SATB2: variants seen among roughly 807,000 people sequenced by gnomAD.
SATB2 encodes the protein SATB homeobox 2.
Under a neutral mutation model 73.4 loss-of-function variants are expected in SATB2, and 1 was observed. The observed-to-expected ratio is 0.01, with a 90% confidence interval of 0.00 to 0.06. SATB2 has a LOEUF of 0.06. SATB2 is among the 10% of genes least tolerant of loss of function. SATB2 has a pLI of 1.00. For synonymous variants in SATB2, 397 were observed against 367.0 expected, an observed-to-expected ratio of 1.08 and a Z score of -0.93; for missense variants, 459 against 945.8, an observed-to-expected ratio of 0.49 and a Z score of 6.75.
chr2:199,394,577 G>A (rs1476431733), intron 3 of SATB2, among the ~76,000 whole-genome samples: 1 of 152,026 alleles, frequency 6.6e-6, no homozygotes. Context: ...AGAATTGCTT[G>A]AGCCCAGGAG....
intron 7 of SATB2, among the ~76,000 whole-genome samples, chr2:199,334,244 GAT>G (rs1322789986): frequency 1.3e-5 from 2 of 150,266 alleles, no homozygotes; most frequent in African/African-American, 5.0e-5. Context: ...ATTTGGACTA[GAT>G]AGAGAAAATA....
Position 199,308,395 on chromosome 2 carries a change from TTA to T in SATB2, c.1740+363_1740+364del, listed in dbSNP as rs1190179563. 2.6e-5 allele frequency among the ~76,000 whole-genome samples: 4 copies of T among 152,166 alleles called. No individual in the cohort carries two copies. Among genetic ancestry groups the T allele is most frequent in the Non-Finnish European group, 5.9e-5 (4 of 68,032 alleles). ...GATGCAAAACTACTTCACAGGTTTT[TTA>T]TAGAAAATGAACTGATGGAAACCAT... On this transcript the variant is annotated intron_variant, in intron 10 of 10. Coordinates refer to ENST00000417098, the MANE Select transcript of SATB2 (RefSeq NM_001172509.2). The surrounding 1 kb of genome is among the most constrained non-coding windows in gnomAD (Gnocchi z 4.6).
In SATB2 at chr2:199,308,560, A is replaced by ACACG. The variant is rs1354348277; in HGVS notation, c.1740+196_1740+199dup. ...TCTTTGTGTGTGCATACACACACAC[A>ACACG]CACGCACGCACATGCACACACACAC... On this transcript the variant is annotated intron_variant, in intron 10 of 10. Transcript: ENST00000417098. The surrounding 1 kb of genome is among the most constrained non-coding windows in gnomAD (Gnocchi z 4.6). Among the ~76,000 whole-genome samples, 1 of 151,438 alleles carries ACACG rather than the reference A, an allele frequency of 6.6e-6. No individual in the cohort carries two copies. Among genetic ancestry groups the ACACG allele is most frequent in the African/African-American group, 2.5e-5 (1 of 40,754 alleles).
chr2:199,351,316 C>T (rs1166610482), intron 6 of SATB2, among the ~76,000 whole-genome samples: 2 of 152,112 alleles, frequency 1.3e-5, no homozygotes, highest in African/African-American at 4.8e-5. Flanking sequence ...CATGCACCAC[C>T]ATGCCCAGCT....
At chr2:199,373,561 C>T (rs1365408016) in intron 5 of SATB2, among the ~76,000 whole-genome samples, 1 of 151,826 alleles carries the variant, frequency 6.6e-6, no homozygotes, top group African/African-American at 2.4e-5. Context: ...GAATGGCTTG[C>T]TTCTCTAATG....
chr2:199,281,264 A>ATG (rs1176878975), intron 10 of SATB2, among the ~76,000 whole-genome samples: 13 of 12,778 alleles, frequency 1.0e-3, no homozygotes, highest in African/African-American at 1.4e-3. Context: ...GTATGTATGT[A>ATG]TGTGTGTGTG....
intron 5 of SATB2, among the ~76,000 whole-genome samples, chr2:199,373,064 A>G (rs1689495895): frequency 6.6e-6 from 1 of 152,162 alleles, no homozygotes; most frequent in Non-Finnish European, 1.5e-5. Context: ...AAGAGTAGCT[A>G]AGCTGAAAAC....
chr2:199,414,815 C>T (rs1284569845), intron 3 of SATB2, among the ~76,000 whole-genome samples: 4 of 152,238 alleles, frequency 2.6e-5, no homozygotes, highest in Admixed American at 6.5e-5. Context: ...AACAAAACAA[C>T]GACTGGGAGC....
intron 10 of SATB2, among the ~76,000 whole-genome samples, chr2:199,287,594 G>T (rs1235454467): frequency 6.6e-6 from 1 of 151,756 alleles, no homozygotes; most frequent in Non-Finnish European, 1.5e-5. Context: ...GGTGGGGGGG[G>T]AGATTATCTA....
At chr2:199,332,453 A>C (rs1265093756) in intron 7 of SATB2, among the ~76,000 whole-genome samples, 1 of 152,140 alleles carries the variant, frequency 6.6e-6, no homozygotes, top group Non-Finnish European at 1.5e-5. Context: ...CAAAGAATAC[A>C]TGAGTTTGGC....
chr2:199,335,037 C>T (rs1036470668), intron 7 of SATB2, among the ~76,000 whole-genome samples: 1 of 152,064 alleles, frequency 6.6e-6, no homozygotes, highest in African/African-American at 2.4e-5. Context: ...CACCCCATCC[C>T]CCACACCCCA....
intron 9 of SATB2, among the ~76,000 whole-genome samples, chr2:199,310,549 G>A (rs1687569126): frequency 6.6e-6 from 1 of 151,844 alleles, no homozygotes; most frequent in South Asian, 2.1e-4. Context: ...TTTCCTCAAG[G>A]GTTTCTTTGC....
chr2:199,335,483 T>G (rs1414533199), intron 7 of SATB2, among the ~76,000 whole-genome samples: 2 of 152,186 alleles, frequency 1.3e-5, no homozygotes, highest in Non-Finnish European at 2.9e-5. Context: ...CTACCTCACA[T>G]TTATGAGACA....
Position 199,311,366 on chromosome 2 carries a change from C to G in SATB2, c.1543-2409G>C, listed in dbSNP as rs145878293. Among the ~76,000 whole-genome samples, 499 of 152,202 alleles carry G rather than the reference C, an allele frequency of 3.3e-3. 1 individual carries two copies. The highest frequency in any genetic ancestry group is 0.011 in the African/African-American group (475 of 41,532). ...AAGGGATGGAGCCTTCAACAGCGCA[C>G]CCCCACCACAGCAGGCCCCAAGAAA... On this transcript the variant is annotated intron_variant, in intron 9 of 10. Coordinates refer to ENST00000417098, the MANE Select transcript of SATB2 (RefSeq NM_001172509.2).
intron 10 of SATB2, among the ~76,000 whole-genome samples, chr2:199,286,224 T>C (rs1022720892): frequency 6.6e-6 from 1 of 151,946 alleles, no homozygotes; most frequent in African/African-American, 2.4e-5. Context: ...CTGAGTGAAA[T>C]GCTTCTTCAA....
intron 3 of SATB2, among the ~76,000 whole-genome samples, chr2:199,392,254 T>C (rs1249447490): frequency 6.6e-6 from 1 of 152,038 alleles, no homozygotes; most frequent in Non-Finnish European, 1.5e-5. Context: ...CAGATTCCTT[T>C]TTTTTTTCCC....
chr2:199,386,716 GCACA>G (rs61568459), intron 3 of SATB2, among the ~76,000 whole-genome samples: 137 of 9,174 alleles, frequency 0.015, 1 homozygote, highest in African/African-American at 0.019. Context: ...GCGCGCGCGC[GCACA>G]CACACACACA....
At chr2:199,369,605 C>T (rs1328190130) in intron 5 of SATB2, among the ~76,000 whole-genome samples, 1 of 152,078 alleles carries the variant, frequency 6.6e-6, no homozygotes, top group African/African-American at 2.4e-5. Flanking sequence ...ATAAACAACT[C>T]AAGAGATCCA....
intron 3 of SATB2, among the ~76,000 whole-genome samples, chr2:199,431,477 T>C (rs1691499883): frequency 6.6e-6 from 1 of 152,250 alleles, no homozygotes; most frequent in Non-Finnish European, 1.5e-5. Context: ...ATCTGTACTC[T>C]AGAGCACCTT....
Sources: gnomAD v4.1 joint callset for allele counts (sites outside exome capture counted in the v4.1 genomes callset) on GRCh38, gnomAD v4.1.1 for gene constraint, Gnocchi (gnomAD v3.1) non-coding constraint, MANE v1.5 for transcripts, NCBI Gene and HGNC (gene_info 2026-07-23, HGNC 2026-07-21) for gene names.